Variants in LPP observed in about 807,000 individuals in gnomAD.
The protein encoded by LPP is lipoma-preferred partner.
A neutral mutation model predicts 60.4 loss-of-function variants in LPP; 38 were observed. That is an observed-to-expected ratio of 0.63 (90% confidence interval 0.49 to 0.83). The LOEUF is 0.83. LPP is among the 40% of genes least tolerant of loss of function. The pLI is 0.00. For synonymous variants in LPP, 328 were observed against 290.8 expected, an observed-to-expected ratio of 1.13 and a Z score of -1.30; for missense variants, 902 against 783.6, an observed-to-expected ratio of 1.15 and a Z score of -1.80.
chr3:188,661,778 C>G (rs1006219023), intron 7 of LPP, among the ~76,000 whole-genome samples: 1 of 152,192 alleles, frequency 6.6e-6, no homozygotes, highest in Admixed American at 6.5e-5. Flanking sequence ...GACATGCACC[C>G]TGCCTCATCT....
At chr3:188,582,154 C>CTTTTT (rs10565240) in intron 6 of LPP, among the ~76,000 whole-genome samples, 156 of 102,230 alleles carry the variant, frequency 1.5e-3, no homozygotes, top group Non-Finnish European at 1.9e-3. Context: ...TTTTCTTTTT[C>CTTTTT]TTTTTTTTTT....
At chr3:188,441,883 C>T (rs934810783) in intron 4 of LPP, among the ~76,000 whole-genome samples, 2 of 151,558 alleles carry the variant, frequency 1.3e-5, no homozygotes, top group Admixed American at 6.6e-5. Flanking sequence ...CTCGGCCTCC[C>T]AAGTGCTGGG....
intron 9 of LPP, among the ~76,000 whole-genome samples, chr3:188,799,706 G>T (rs147057186): frequency 6.6e-6 from 1 of 152,032 alleles, no homozygotes. Flanking sequence ...ACGTAAGTGG[G>T]GTTCAGAATA....
intron 6 of LPP, among the ~76,000 whole-genome samples, chr3:188,571,764 G>C (rs1400944791): frequency 6.6e-6 from 1 of 152,038 alleles, no homozygotes; most frequent in Non-Finnish European, 1.5e-5. Flanking sequence ...CATTCAACAG[G>C]AAGCTTAATC....
intron 4 of LPP, among the ~76,000 whole-genome samples, chr3:188,416,996 A>G (rs1786469273): frequency 6.6e-6 from 1 of 152,148 alleles, no homozygotes; most frequent in Admixed American, 6.6e-5. Flanking sequence ...ATAACGATTA[A>G]CCTAAAGAAC....
intron 6 of LPP, among the ~76,000 whole-genome samples, chr3:188,578,498 G>A (rs1334095011): frequency 6.6e-6 from 1 of 152,104 alleles, no homozygotes; most frequent in Admixed American, 6.6e-5. Flanking sequence ...TATGCTACTA[G>A]TTTTAGTTAT....
At chr3:188,708,708 A>C in intron 8 of LPP, 3 of 427,536 alleles carry the variant, frequency 7.0e-6, no homozygotes, top group Admixed American at 3.7e-5. Context: ...AAATACAAAA[A>C]TTAGCTGAGT....
chr3:188,170,809 G>A (rs572002353), intron 1 of LPP, among the ~76,000 whole-genome samples: 2 of 152,106 alleles, frequency 1.3e-5, no homozygotes, highest in Admixed American at 6.5e-5. Flanking sequence ...TCTAAGGCAA[G>A]GTACCCTTTT....
At chr3:188,314,939 A>G (rs941787403) in intron 2 of LPP, among the ~76,000 whole-genome samples, 1 of 151,898 alleles carries the variant, frequency 6.6e-6, no homozygotes, top group Non-Finnish European at 1.5e-5. Flanking sequence ...AAATACCTTC[A>G]CTTATTGCCT....
At chr3:188,730,705 C>A (rs1258838822) in intron 8 of LPP, among the ~76,000 whole-genome samples, 1 of 152,210 alleles carries the variant, frequency 6.6e-6, no homozygotes, top group Non-Finnish European at 1.5e-5. Context: ...ACAACACAAT[C>A]TGTGATCTGA....
At chr3:188,549,426 G>T (rs1827490077) in intron 6 of LPP, among the ~76,000 whole-genome samples, 1 of 152,050 alleles carries the variant, frequency 6.6e-6, no homozygotes. Context: ...TTTTTGGTCT[G>T]GTGCCATTGA....
intron 11 of LPP, 77 bp downstream of exon 11, chr3:188,872,840 A>G: frequency 1.3e-6 from 2 of 1,582,782 alleles, no homozygotes; most frequent in Non-Finnish European, 1.7e-6. Context: ...ACATAGATGT[A>G]GCAATTACTA....
intron 6 of LPP, among the ~76,000 whole-genome samples, chr3:188,587,349 C>CAAAAAA (rs1160321359): frequency 3.8e-4 from 1 of 2,642 alleles, no homozygotes; most frequent in African/African-American, 9.2e-4. Context: ...GACTCCGTCT[C>CAAAAAA]AAAAAAAAAA....
At chr3:188,387,564 T>A (rs1239761271) in intron 3 of LPP, among the ~76,000 whole-genome samples, 1 of 80,970 alleles carries the variant, frequency 1.2e-5, no homozygotes, top group African/African-American at 5.0e-5. Flanking sequence ...GGTCAGAGGT[T>A]AATTTTTTTT....
intron 3 of LPP, among the ~76,000 whole-genome samples, chr3:188,381,056 T>C (rs1397685005): frequency 2.6e-5 from 4 of 152,156 alleles, no homozygotes; most frequent in Non-Finnish European, 5.9e-5. Context: ...ACTATTCTAG[T>C]TTACCTTTTA....
At chr3:188,855,531 T>C (rs890628778) in intron 9 of LPP, among the ~76,000 whole-genome samples, 5 of 152,196 alleles carry the variant, frequency 3.3e-5, no homozygotes, top group Admixed American at 2.6e-4. Flanking sequence ...CTGAGGATAG[T>C]AATGAAATTT....
rs796525522 is a variant in LPP, at chr3:188,269,982, TTTTCTTTTCTTATCG to T, written c.-67+44467_-67+44481del. On this transcript the variant is annotated intron_variant, in intron 2 of 11. Transcript: ENST00000617246. ...TTTTTAGTATCAGTTTTTTCTTTTCTTTTCTTTTCTTATCGTTTCTTTTCTTTTCTTTTCTTTAGG... is the reference window on the plus strand; with the variant it reads ...TTTTTAGTATCAGTTTTTTCTTTTCTTTTCTTTTCTTTTCTTTTCTTTAGG... 9.8e-3 allele frequency among the ~76,000 whole-genome samples: 1,203 copies of T among 122,514 alleles called. 13 individuals are homozygous for T. The highest frequency in any genetic ancestry group is 0.037 in the African/African-American group (1,025 of 27,800). The allele number at this position is 122,514 out of a possible 152,430, so 80.4% of individuals were successfully genotyped here.
At chr3:188,749,099 A>G (rs1392893275) in intron 8 of LPP, among the ~76,000 whole-genome samples, 2 of 152,210 alleles carry the variant, frequency 1.3e-5, no homozygotes, top group Non-Finnish European at 2.9e-5. Flanking sequence ...TTCTGGAGTC[A>G]TACAGAAGCC....
chr3:188,779,360 A>G (rs990059257), intron 9 of LPP, among the ~76,000 whole-genome samples: 9 of 152,138 alleles, frequency 5.9e-5, no homozygotes, highest in African/African-American at 2.2e-4. Context: ...TCAGGAAGGG[A>G]CGTGCATCAG....
Sources: allele counts gnomAD v4.1 joint callset (sites outside exome capture counted in the v4.1 genomes callset), GRCh38; gene constraint gnomAD v4.1.1; transcripts MANE v1.5; gene names NCBI Gene and HGNC (gene_info 2026-07-23, HGNC 2026-07-21).